PDZRN3: variants seen among roughly 807,000 people sequenced by gnomAD.
The protein encoded by PDZRN3 is E3 ubiquitin-protein ligase PDZRN3.
A neutral mutation model predicts 85.7 loss-of-function variants in PDZRN3; 38 were observed. The ratio of observed to expected loss-of-function variants is 0.44; its 90% CI spans 0.34 to 0.58. The LOEUF (loss-of-function observed/expected upper bound fraction) is 0.58, where lower values mean the gene tolerates loss of function less well. PDZRN3 is among the 20% of genes least tolerant of loss of function. The pLI, the probability that PDZRN3 is intolerant of heterozygous loss-of-function variation, is 0.01. For synonymous variants in PDZRN3, 759 were observed against 638.0 expected, an observed-to-expected ratio of 1.19 and a Z score of -2.86; for missense variants, 1,629 against 1,506.4, an observed-to-expected ratio of 1.08 and a Z score of -1.35.
At chr3:73,555,409 T>TAGGG (rs1171455698) in intron 3 of PDZRN3, among the ~76,000 whole-genome samples, 1 of 152,202 alleles carries the variant, frequency 6.6e-6, no homozygotes, top group Non-Finnish European at 1.5e-5. Context: ...CACAAACCTG[T>TAGGG]AGGGAGAATC....
intron 3 of PDZRN3, among the ~76,000 whole-genome samples, chr3:73,466,414 A>G (rs535364111): frequency 7.9e-5 from 12 of 152,114 alleles, no homozygotes; most frequent in Admixed American, 7.9e-4. Context: ...AACAAAAGCA[A>G]GACACTCACG....
intron 9 of PDZRN3, 32 bp downstream of exon 9, chr3:73,385,637 C>T (rs775033371): frequency 2.3e-6 from 3 of 1,285,990 alleles, no homozygotes; most frequent in Non-Finnish European, 3.4e-6. Context: ...CTCAGCAGGG[C>T]AGAGTGTCAG....
At chr3:73,611,753 ACTT>A (rs1463172464) in intron 1 of PDZRN3, among the ~76,000 whole-genome samples, 1 of 152,054 alleles carries the variant, frequency 6.6e-6, no homozygotes, top group East Asian at 1.9e-4. Context: ...AACCTTAACT[ACTT>A]TAGTTTAACT....
intron 3 of PDZRN3, among the ~76,000 whole-genome samples, chr3:73,573,816 CATATACATATACATAT>C (rs1559744528): frequency 4.3e-5 from 2 of 46,680 alleles, no homozygotes; most frequent in African/African-American, 3.7e-4. Flanking sequence ...TACACCTATA[CATATACATATACATAT>C]ACATATACAT....
At chr3:73,547,502 C>T (rs111341614) in intron 3 of PDZRN3, among the ~76,000 whole-genome samples, 25 of 152,300 alleles carry the variant, frequency 1.6e-4, no homozygotes, top group African/African-American at 4.3e-4. Flanking sequence ...GGCCTGCAAG[C>T]GGGTAGATGA....
At chr3:73,407,056 G>T (rs1701870012) in intron 3 of PDZRN3, among the ~76,000 whole-genome samples, 1 of 152,220 alleles carries the variant, frequency 6.6e-6, no homozygotes, top group Non-Finnish European at 1.5e-5. Flanking sequence ...TGTGGATTGT[G>T]ATGGGCTCCC....
intron 3 of PDZRN3, among the ~76,000 whole-genome samples, chr3:73,560,135 A>G (rs749367080): frequency 9.2e-5 from 14 of 152,228 alleles, no homozygotes; most frequent in Non-Finnish European, 1.5e-4. Context: ...CTTTAATCCA[A>G]TAAGGCTTGA....
intron 5 of PDZRN3, 21 bp downstream of exon 5, chr3:73,400,901 A>G (rs1292771744): frequency 1.3e-6 from 2 of 1,534,850 alleles, no homozygotes; most frequent in Admixed American, 3.3e-5. Flanking sequence ...TCCTAAAATG[A>G]GACAAGGATG....
intron 3 of PDZRN3, among the ~76,000 whole-genome samples, chr3:73,564,091 C>T (rs1701894903): frequency 6.6e-6 from 1 of 152,208 alleles, no homozygotes; most frequent in African/African-American, 2.4e-5. Context: ...CTAATTCTCT[C>T]TGCCTGAGTC....
intron 3 of PDZRN3, among the ~76,000 whole-genome samples, chr3:73,563,590 G>A (rs1158525493): frequency 6.6e-6 from 1 of 152,162 alleles, no homozygotes; most frequent in Non-Finnish European, 1.5e-5. Flanking sequence ...TTTGCCTGCT[G>A]TGGGCTTCTG....
rs1702531547 is a variant in PDZRN3 at position 73,436,410 on chromosome 3, A to G, written c.919-32015T>C. 1.3e-5 allele frequency among the ~76,000 whole-genome samples: 2 copies of G among 152,212 alleles called. 1 individual carries two copies. The highest frequency in any genetic ancestry group is 1.3e-4 in the Admixed American group (2 of 15,284). ...AGTCACAGCACAATTGGCAAGTACC[A>G]GCAGGGAGAGGAAAACAAAGTGTGC... On this transcript the variant is annotated intron_variant, in intron 3 of 9. Transcript: ENST00000263666.
intron 3 of PDZRN3, among the ~76,000 whole-genome samples, chr3:73,581,145 TGGA>T (rs1702196760): frequency 6.6e-6 from 1 of 152,244 alleles, no homozygotes. Flanking sequence ...ACATTCCTTT[TGGA>T]GTTTTCATGG....
At chr3:73,543,824 T>C (rs913254294) in intron 3 of PDZRN3, among the ~76,000 whole-genome samples, 1 of 152,280 alleles carries the variant, frequency 6.6e-6, no homozygotes, top group South Asian at 2.1e-4. Flanking sequence ...GCAAAAAGGG[T>C]GTTCAACTTG....
chr3:73,509,715 C>T (rs540628716), intron 3 of PDZRN3, among the ~76,000 whole-genome samples: 4 of 152,200 alleles, frequency 2.6e-5, no homozygotes, highest in Non-Finnish European at 4.4e-5. Context: ...TCTCTTACTG[C>T]CTAAGCAACT....
At chr3:73,404,681 C>A (rs1701819577) in intron 3 of PDZRN3, 3 of 346,654 alleles carry the variant, frequency 8.7e-6, no homozygotes. Flanking sequence ...GCTAATCTTG[C>A]CTGTGAAAGA....
intron 3 of PDZRN3, among the ~76,000 whole-genome samples, chr3:73,421,326 G>T (rs757063586): frequency 6.6e-6 from 1 of 152,162 alleles, no homozygotes; most frequent in Admixed American, 6.5e-5. Context: ...CTCTTCCGGG[G>T]TCACTCAATG....
intron 3 of PDZRN3, among the ~76,000 whole-genome samples, chr3:73,568,123 G>C (rs1424994187): frequency 6.6e-6 from 1 of 152,110 alleles, no homozygotes; most frequent in East Asian, 1.9e-4. Flanking sequence ...AGCCAAGGGA[G>C]GAGCCATGTG....
chr3:73,605,719 G>A (rs1702590603), intron 2 of PDZRN3, among the ~76,000 whole-genome samples: 1 of 152,154 alleles, frequency 6.6e-6, no homozygotes, highest in Admixed American at 6.5e-5. Flanking sequence ...GATTTTCCAG[G>A]CAACAGTGCA....
chr3:73,454,214 A>G (rs192607753), intron 3 of PDZRN3, among the ~76,000 whole-genome samples: 1 of 152,334 alleles, frequency 6.6e-6, no homozygotes, highest in East Asian at 1.9e-4. Flanking sequence ...TTTCCCACAC[A>G]TGGCAGAAAT....
Sources: allele counts gnomAD v4.1 joint callset (sites outside exome capture counted in the v4.1 genomes callset), GRCh38; gene constraint gnomAD v4.1.1; transcripts MANE v1.5; gene names NCBI Gene and HGNC (gene_info 2026-07-23, HGNC 2026-07-21).